FMN1: variants seen among roughly 807,000 people sequenced by gnomAD.
FMN1 encodes the protein formin 1, also known as formin-1.
FMN1 carries 110 observed loss-of-function variants against 132.4 expected under a neutral mutation model. That is an observed-to-expected ratio of 0.83 (90% CI 0.71 to 0.97). FMN1 has a LOEUF of 0.97. Ranked by LOEUF, FMN1 falls within the 50% of genes least tolerant of loss-of-function variation. The probability of loss-of-function intolerance (pLI) is 0.00; values close to 1 mark genes in which losing one functional copy is unlikely to be tolerated. For synonymous variants in FMN1, 722 were observed against 651.7 expected, an observed-to-expected ratio of 1.11 and a Z score of -1.64; for missense variants, 1,792 against 1,705.3, an observed-to-expected ratio of 1.05 and a Z score of -0.90.
At chr15:32,835,410 G>A (rs929150946) in intron 17 of FMN1, among the ~76,000 whole-genome samples, 2 of 152,042 alleles carry the variant, frequency 1.3e-5, no homozygotes, top group Non-Finnish European at 2.9e-5. Flanking sequence ...TTCTGCTGCC[G>A]GAAGCCGGGA....
intron 6 of FMN1, chr15:33,063,266 T>C (rs2037567048): frequency 6.6e-6 from 1 of 152,046 alleles, no homozygotes; most frequent in Non-Finnish European, 1.5e-5. Context: ...GACCAGAGAG[T>C]GGGATGAGAA....
chr15:32,817,528 G>A (rs2058091888), intron 17 of FMN1, among the ~76,000 whole-genome samples: 1 of 152,200 alleles, frequency 6.6e-6, no homozygotes, highest in Admixed American at 6.5e-5. Flanking sequence ...TAGGTGTGAT[G>A]AAGGTCATAA....
At chr15:32,878,047 T>C (rs960860290) in intron 16 of FMN1, among the ~76,000 whole-genome samples, 4 of 152,162 alleles carry the variant, frequency 2.6e-5, no homozygotes, top group East Asian at 1.9e-4. Flanking sequence ...GTGAAAGTAA[T>C]ATGAAAAACG....
chr15:32,970,251 T>C (rs527533938), intron 7 of FMN1, among the ~76,000 whole-genome samples: 2 of 152,350 alleles, frequency 1.3e-5, no homozygotes, highest in African/African-American at 4.8e-5. Flanking sequence ...CTCGCAGTCA[T>C]TAACCAGCCC....
At chr15:33,123,931 A>C (rs1045731391) in intron 4 of FMN1, among the ~76,000 whole-genome samples, 7 of 152,334 alleles carry the variant, frequency 4.6e-5, no homozygotes, top group East Asian at 1.9e-4. Flanking sequence ...TTCTCCCCTC[A>C]TGGTATCAAA....
chr15:33,047,695 T>C (rs2036752569), intron 6 of FMN1, among the ~76,000 whole-genome samples: 2 of 152,222 alleles, frequency 1.3e-5, no homozygotes, highest in South Asian at 2.1e-4. Context: ...AAGACTCCCA[T>C]GGGAGATGGG....
intron 3 of FMN1, among the ~76,000 whole-genome samples, chr15:33,160,528 C>T (rs1342485836): frequency 6.6e-6 from 1 of 152,042 alleles, no homozygotes; most frequent in Admixed American, 6.6e-5. Flanking sequence ...TCCAAGAAAC[C>T]AGAGGAAAAA....
intron 8 of FMN1, among the ~76,000 whole-genome samples, chr15:32,966,647 A>G (rs745729355): frequency 6.6e-6 from 1 of 152,224 alleles, no homozygotes; most frequent in Admixed American, 6.5e-5. Flanking sequence ...AAATCAGTTC[A>G]TACCAGGAGT....
At chr15:33,100,335 C>G (rs938654204) in intron 4 of FMN1, among the ~76,000 whole-genome samples, 1 of 151,008 alleles carries the variant, frequency 6.6e-6, no homozygotes, top group Admixed American at 6.6e-5. Flanking sequence ...TAAGATAACA[C>G]AGGGAAGCTA....
intron 18 of FMN1, among the ~76,000 whole-genome samples, chr15:32,801,378 G>A (rs2057471628): frequency 2.0e-5 from 3 of 152,048 alleles, no homozygotes; most frequent in African/African-American, 7.2e-5. Flanking sequence ...GAAAGCAAGT[G>A]AACCTCTTCA....
At chr15:32,821,506 G>C (rs1341784220) in intron 17 of FMN1, among the ~76,000 whole-genome samples, 1 of 148,888 alleles carries the variant, frequency 6.7e-6, no homozygotes, top group Admixed American at 6.7e-5. Context: ...AGGCTGGAGG[G>C]CAGTGGCACA....
Position 33,060,763 on chromosome 15 carries a change from T to C in FMN1, c.2161+4194A>G, listed in dbSNP as rs556890876. On this transcript the variant is annotated intron_variant, in intron 6 of 20. Coordinates refer to ENST00000616417, the MANE Select transcript of FMN1 (RefSeq NM_001277313.2). Reference sequence around the variant, plus strand: ...GATGCACATTGAGAGAGAAACCACATATGCACAATTCAACTCAGAAAGCAC... The same window carrying C: ...GATGCACATTGAGAGAGAAACCACACATGCACAATTCAACTCAGAAAGCAC... Among the ~76,000 whole-genome samples, 7 of 152,320 alleles carry C rather than the reference T, an allele frequency of 4.6e-5. No individual in the cohort carries two copies. The East Asian group carries it at 1.3e-3, about 29-fold the overall frequency.
chr15:33,099,411 C>T (rs2039209288), intron 4 of FMN1, among the ~76,000 whole-genome samples: 1 of 152,204 alleles, frequency 6.6e-6, no homozygotes, highest in Non-Finnish European at 1.5e-5. Context: ...CTGTATGTAT[C>T]ACTAAGGCAT....
At chr15:32,863,855 C>A (rs2059333604) in intron 16 of FMN1, among the ~76,000 whole-genome samples, 1 of 152,204 alleles carries the variant, frequency 6.6e-6, no homozygotes, top group African/African-American at 2.4e-5. Context: ...AACTCAGAAT[C>A]TCAATATTAG....
intron 4 of FMN1, 106 bp downstream of exon 4, chr15:33,152,942 G>A: frequency 8.7e-7 from 1 of 1,148,204 alleles, no homozygotes; most frequent in South Asian, 1.7e-5. Context: ...ATAGGCCTAG[G>A]AATTTTGGTC....
intron 19 of FMN1, among the ~76,000 whole-genome samples, chr15:32,790,335 A>G (rs1372181552): frequency 6.6e-6 from 1 of 152,252 alleles, no homozygotes; most frequent in African/African-American, 2.4e-5. Context: ...ACCTGAGCCC[A>G]GGAGTTTCTA....
intron 17 of FMN1, among the ~76,000 whole-genome samples, chr15:32,812,465 A>C (rs1469074452): frequency 6.6e-6 from 1 of 152,230 alleles, no homozygotes; most frequent in Non-Finnish European, 1.5e-5. Flanking sequence ...CCCAAGTCTA[A>C]AGATGAAATT....
chr15:32,838,801 C>T (rs994281814), intron 17 of FMN1, among the ~76,000 whole-genome samples: 2 of 152,232 alleles, frequency 1.3e-5, no homozygotes, highest in South Asian at 4.1e-4. Context: ...ATGACAGTGG[C>T]TGTTGCCAGA....
chr15:33,057,941 A>G (rs34606248), intron 6 of FMN1, among the ~76,000 whole-genome samples: 1 of 146,734 alleles, frequency 6.8e-6, no homozygotes, highest in African/African-American at 2.4e-5. Flanking sequence ...AAGCACATGA[A>G]AGCAGACTGA....
Sources: gnomAD v4.1 joint callset for allele counts (sites outside exome capture counted in the v4.1 genomes callset) on GRCh38, gnomAD v4.1.1 for gene constraint, MANE v1.5 for transcripts, NCBI Gene and HGNC (gene_info 2026-07-23, HGNC 2026-07-21) for gene names.